The following USH2A variants were observed in gnomAD, a reference collection of about 807,000 sequenced individuals.
USH2A encodes the protein Usher syndrome 2A (autosomal recessive, mild).
USH2A carries 443 observed loss-of-function variants against 538.9 expected under a neutral mutation model. The ratio of observed to expected loss-of-function variants is 0.82; its 90% CI spans 0.76 to 0.89. USH2A has a LOEUF of 0.89. Ranked by LOEUF, USH2A falls within the 40% of genes least tolerant of loss-of-function variation. USH2A has a pLI of 0.00. For synonymous variants in USH2A, 2,413 were observed against 2,273.5 expected, an observed-to-expected ratio of 1.06 and a Z score of -1.75; for missense variants, 6,633 against 6,324.8, an observed-to-expected ratio of 1.05 and a Z score of -1.65.
intron 35 of USH2A, among the ~76,000 whole-genome samples, chr1:215,973,656 C>CTTTTTT (rs750306238): frequency 9.2e-4 from 120 of 130,922 alleles, no homozygotes; most frequent in South Asian, 1.7e-3. Context: ...TCTTCTTCTT[C>CTTTTTT]TTTTTTTTTT....
In USH2A at chr1:215,782,898, C is replaced by T; in HGVS notation, c.10425G>A (p.Arg3475=). 1 of 1,613,670 alleles carries T rather than the reference C, an allele frequency of 6.2e-7. No homozygotes were observed. Among genetic ancestry groups the T allele is most frequent in the South Asian group, 1.1e-5 (1 of 91,060 alleles). Residue 3475 remains arginine, a synonymous_variant, in exon 53 of 72, where the codon AGG becomes AGA. Transcript: ENST00000307340. ...GCCCATAGCTGTTCCAGGCAGAAAT[C>T]CTGTACTCATATGTCATGTAGGGCT... The part of the protein sequence containing the change: ...NLKPYMTYEY[R]ISAWNSYGRG...
chr1:215,669,428 TG>T (rs1222042968), intron 64 of USH2A, among the ~76,000 whole-genome samples: 1 of 152,202 alleles, frequency 6.6e-6, no homozygotes, highest in Non-Finnish European at 1.5e-5. Flanking sequence ...CCTAAACCCT[TG>T]GGGGCCTGAT....
chr1:215,999,873 A>T (rs1668226090), intron 33 of USH2A, among the ~76,000 whole-genome samples: 1 of 152,174 alleles, frequency 6.6e-6, no homozygotes, highest in African/African-American at 2.4e-5. Flanking sequence ...GAAGAGATAA[A>T]TATGAACAAG....
In USH2A at chr1:216,406,093, TG is replaced by T. The variant is rs946959122; in HGVS notation, c.651+12420del. On this transcript the variant is annotated intron_variant, in intron 3 of 71. Transcript: ENST00000307340. ...ATAAAAAGGCAGCTTGAGGTGTCCT[TG>T]TAGGGATGGAACTTTTCTGCAACTC... 5.9e-5 allele frequency among the ~76,000 whole-genome samples: 9 copies of T among 152,266 alleles called. No individual in the cohort carries two copies. The South Asian group carries it at 1.0e-3, about 18-fold the overall frequency.
chr1:215,955,358 A>G (rs571837751), intron 37 of USH2A, among the ~76,000 whole-genome samples: 1 of 152,316 alleles, frequency 6.6e-6, no homozygotes, highest in East Asian at 1.9e-4. Flanking sequence ...AATGTCTAAC[A>G]AATTTAGCAC....
chr1:215,994,051 C>G (rs1180797903), intron 34 of USH2A, among the ~76,000 whole-genome samples: 2 of 152,126 alleles, frequency 1.3e-5, no homozygotes, highest in African/African-American at 4.8e-5. Flanking sequence ...CCTTATATAA[C>G]AATGATATTT....
At chr1:215,987,730 G>C (rs1364493262) in intron 35 of USH2A, among the ~76,000 whole-genome samples, 2 of 152,118 alleles carry the variant, frequency 1.3e-5, no homozygotes, top group Non-Finnish European at 1.5e-5. Context: ...TAAAAAGATG[G>C]GTCTTGTAAG....
chr1:216,264,263 A>T lies in USH2A; in HGVS notation c.1972-13165T>A, dbSNP rs368477504. 1.7e-4 allele frequency among the ~76,000 whole-genome samples: 26 copies of T among 152,202 alleles called. No homozygotes were observed. In the South Asian group the frequency reaches 4.8e-3, roughly 28 times the overall value. ...AGAAATAGAAGAAAAAATTCTTTAA[A>T]TTCCCATGGAACCATAAAGACCCAG... On this transcript the variant is annotated intron_variant, in intron 11 of 71. Transcript: ENST00000307340.
intron 61 of USH2A, among the ~76,000 whole-genome samples, chr1:215,716,311 G>A (rs1431978496): frequency 6.6e-6 from 1 of 152,186 alleles, no homozygotes; most frequent in Middle Eastern, 3.2e-3. Flanking sequence ...GCGTCTTGAC[G>A]GATTTGGGGT....
chr1:216,072,637 C>A (rs2031593913), intron 29 of USH2A: 5 of 521,122 alleles, frequency 9.6e-6, no homozygotes, highest in South Asian at 4.0e-5. Flanking sequence ...ACAACCTGAA[C>A]TTTCCTTACT....
chr1:216,088,004 T>A (rs2032188346), intron 23 of USH2A, among the ~76,000 whole-genome samples: 1 of 152,164 alleles, frequency 6.6e-6, no homozygotes, highest in African/African-American at 2.4e-5. Context: ...TCCCATATAA[T>A]CTGATCCCTA....
intron 12 of USH2A, among the ~76,000 whole-genome samples, chr1:216,248,748 T>C (rs1486466958): frequency 6.6e-6 from 1 of 152,126 alleles, no homozygotes; most frequent in Non-Finnish European, 1.5e-5. Flanking sequence ...CATGGATTCA[T>C]ATCATATCAG....
chr1:216,241,541 T>G (rs1405620447), intron 13 of USH2A, among the ~76,000 whole-genome samples: 1 of 151,952 alleles, frequency 6.6e-6, no homozygotes, highest in Non-Finnish European at 1.5e-5. Flanking sequence ...TCTTTTTGTT[T>G]TTTTTTTTTT....
chr1:216,141,227 T>C (rs1191201780), intron 21 of USH2A, among the ~76,000 whole-genome samples: 1 of 152,210 alleles, frequency 6.6e-6, no homozygotes, highest in Non-Finnish European at 1.5e-5. Context: ...ACACACACGT[T>C]AATCTCCGAA....
At position 216,422,128 on chromosome 1, in the gene USH2A, G is replaced by C; in HGVS notation, c.209C>G (p.Ser70Cys). The change falls in exon 2 of 72, where the codon TCT becomes TGT. Residue 70 changes from serine (S) to cysteine (C), a missense_variant. Ser to Cys is a moderately radical substitution (Grantham distance 112). Coordinates refer to ENST00000307340, the MANE Select transcript of USH2A (RefSeq NM_206933.4). ...GAACTGAATACTTTCAGCAGCAGCA[G>C]AGCTGTGACAAAAAGTGCTTCGGTC... ...LPDRSTFCHS[S>C]AAAESIQFCT... 1 of 1,613,830 alleles carries C rather than the reference G, an allele frequency of 6.2e-7. No individual in the cohort carries two copies. The highest frequency in any genetic ancestry group is 8.5e-7 in the Non-Finnish European group (1 of 1,179,914).
chr1:216,119,189 G>C (rs1319680644), intron 21 of USH2A, among the ~76,000 whole-genome samples: 1 of 152,174 alleles, frequency 6.6e-6, no homozygotes, highest in Non-Finnish European at 1.5e-5. Context: ...TCACTAAATA[G>C]TTCAGTAATC....
intron 11 of USH2A, among the ~76,000 whole-genome samples, chr1:216,273,898 C>A (rs961976807): frequency 1.3e-5 from 2 of 151,174 alleles, no homozygotes; most frequent in Non-Finnish European, 2.9e-5. Flanking sequence ...TTTTAAATAC[C>A]AAAAAATTTT....
At chr1:216,377,807 A>AAAG (rs2038853748) in intron 3 of USH2A, among the ~76,000 whole-genome samples, 1 of 49,478 alleles carries the variant, frequency 2.0e-5, no homozygotes, top group African/African-American at 5.1e-5. Context: ...GAAAGAAATA[A>AAAG]AAAGAAAGAA....
chr1:215,725,314 T>C (rs1455139073), intron 61 of USH2A, among the ~76,000 whole-genome samples: 1 of 152,212 alleles, frequency 6.6e-6, no homozygotes, highest in Non-Finnish European at 1.5e-5. Flanking sequence ...GGCCTAGATA[T>C]CTTTTAAACA....
Sources: gnomAD v4.1 joint callset for allele counts (sites outside exome capture counted in the v4.1 genomes callset) on GRCh38, gnomAD v4.1.1 for gene constraint, MANE v1.5 for transcripts, NCBI Gene and HGNC (gene_info 2026-07-23, HGNC 2026-07-21) for gene names.